The following RAI14 variants were observed in gnomAD, a reference collection of about 807,000 sequenced individuals.
The protein encoded by RAI14 is ankycorbin.
RAI14 carries 45 observed loss-of-function variants against 115.4 expected under a neutral mutation model. The observed-to-expected ratio is 0.39, with a 90% confidence interval of 0.31 to 0.50. RAI14 has a LOEUF of 0.50. RAI14 is among the 20% of genes least tolerant of loss of function. The pLI, the probability that RAI14 is intolerant of heterozygous loss-of-function variation, is 0.85. For missense variants in RAI14, 939 were observed against 1,131.2 expected, an observed-to-expected ratio of 0.83 and a Z score of 2.44; for synonymous variants, 371 against 415.4, an observed-to-expected ratio of 0.89 and a Z score of 1.30.
At chr5:34,696,860 G>A (rs1234870857) in intron 2 of RAI14, among the ~76,000 whole-genome samples, 3 of 152,234 alleles carry the variant, frequency 2.0e-5, no homozygotes, top group African/African-American at 7.2e-5. Flanking sequence ...GCTGGGTGCT[G>A]TGGCTCACGC....
chr5:34,810,253 C>A (rs1410686599), intron 7 of RAI14, among the ~76,000 whole-genome samples: 2 of 151,944 alleles, frequency 1.3e-5, no homozygotes, highest in Non-Finnish European at 2.9e-5. Context: ...AGAAAAAAAA[C>A]AAAATAACAA....
chr5:34,760,858 C>T (rs1424000569), intron 3 of RAI14, among the ~76,000 whole-genome samples: 2 of 152,096 alleles, frequency 1.3e-5, no homozygotes, highest in Non-Finnish European at 2.9e-5. Context: ...TCTAATCAAC[C>T]CAAAGAAAAC....
At chr5:34,757,311 C>G in intron 2 of RAI14, 157 bp from the exon 3 acceptor site, 1 of 830,210 alleles carries the variant, frequency 1.2e-6, no homozygotes, top group South Asian at 1.4e-5. Flanking sequence ...TGGGTGTCTC[C>G]ATGGTGAAGG....
intron 4 of RAI14, among the ~76,000 whole-genome samples, chr5:34,799,774 G>A (rs553761424): frequency 2.2e-5 from 3 of 137,306 alleles, no homozygotes; most frequent in East Asian, 2.3e-4. Flanking sequence ...TGCAAGCTCC[G>A]CCTCCCGGGT....
chr5:34,656,621 C>A (rs1377011814), intron 1 of RAI14, 146 bp downstream of exon 1: 2 of 152,470 alleles, frequency 1.3e-5, no homozygotes, highest in African/African-American at 4.8e-5. Flanking sequence ...GGGGTCCCGC[C>A]ACCTCTCCCT....
At chr5:34,777,934 A>G (rs890681188) in intron 3 of RAI14, among the ~76,000 whole-genome samples, 3 of 152,154 alleles carry the variant, frequency 2.0e-5, no homozygotes, top group African/African-American at 7.2e-5. Flanking sequence ...AAACCCCACT[A>G]TTAGATAGAC....
chr5:34,687,437 C>A, intron 2 of RAI14: 2 of 678,014 alleles, frequency 2.9e-6, no homozygotes, highest in South Asian at 8.1e-5. Context: ...CCGTACCTTT[C>A]CTCCCCCCGA....
In RAI14 at chr5:34,791,732, G is replaced by A. The variant is rs1008444144; in HGVS notation, c.168-4207G>A. Among the ~76,000 whole-genome samples, 7 of 152,268 alleles carry A rather than the reference G, an allele frequency of 4.6e-5. No individual in the cohort carries two copies. Among genetic ancestry groups the A allele is most frequent in the Admixed American group, 2.6e-4 (4 of 15,298 alleles). ...GGAAACCAGTAAGGTTGGGAATGCC[G>A]CCCAGGATTCTAACAAGAGTGAGAA... On this transcript the variant is annotated intron_variant, in intron 3 of 17. Coordinates refer to ENST00000265109, the MANE Select transcript of RAI14 (RefSeq NM_015577.3). This position sits in a 1 kb window ranked among gnomAD's most constrained non-coding sequence, Gnocchi z 5.4.
intron 4 of RAI14, among the ~76,000 whole-genome samples, chr5:34,803,136 G>T (rs369110241): frequency 6.6e-6 from 1 of 152,174 alleles, no homozygotes; most frequent in African/African-American, 2.4e-5. Context: ...TGAATCCACC[G>T]CAAGTGTCTA....
intron 2 of RAI14, among the ~76,000 whole-genome samples, chr5:34,709,981 T>C (rs1389013539): frequency 6.6e-6 from 1 of 152,222 alleles, no homozygotes; most frequent in Admixed American, 6.5e-5. Context: ...CCTTTTGCAG[T>C]TCCTTTGTTC....
In RAI14 at chr5:34,672,138, G is replaced by A. The variant is rs1371969073; in HGVS notation, c.-48-14734G>A. ...TCCATATCTCTACTTTTGTGCAAGT[G>A]CATTAACCCATGTGGACTTTTTATT... On this transcript the variant is annotated intron_variant, in intron 1 of 17. Transcript: ENST00000265109. Among the ~76,000 whole-genome samples the A allele has an allele frequency of 8.5e-5, 13 of 152,066 alleles. 1 individual carries two copies.
At chr5:34,679,865 A>T (rs542209074) in intron 1 of RAI14, among the ~76,000 whole-genome samples, 1 of 151,956 alleles carries the variant, frequency 6.6e-6, no homozygotes, top group East Asian at 2.0e-4. Flanking sequence ...CAATGACGCT[A>T]ACCCGTGTCA....
intron 1 of RAI14, among the ~76,000 whole-genome samples, chr5:34,657,677 A>G (rs1352795887): frequency 6.6e-6 from 1 of 152,118 alleles, no homozygotes. Context: ...GGATGGGGAA[A>G]CGTTGCCGGA....
intron 2 of RAI14, among the ~76,000 whole-genome samples, chr5:34,703,427 T>A (rs916791022): frequency 2.0e-5 from 3 of 152,202 alleles, no homozygotes; most frequent in African/African-American, 7.2e-5. Context: ...GTTGCAGAAA[T>A]TCATTAAAGA....
At chr5:34,758,553 A>G (rs1186642189) in intron 3 of RAI14, among the ~76,000 whole-genome samples, 1 of 152,096 alleles carries the variant, frequency 6.6e-6, no homozygotes, top group African/African-American at 2.4e-5. Context: ...CAACTTTGTC[A>G]CTTTTTCTTG....
intron 2 of RAI14, among the ~76,000 whole-genome samples, chr5:34,709,202 A>G (rs1219604922): frequency 1.3e-5 from 2 of 150,610 alleles, no homozygotes; most frequent in Non-Finnish European, 3.0e-5. Context: ...AATCCCAGCA[A>G]TTTGGGAGGC....
intron 2 of RAI14, chr5:34,688,002 G>A (rs942945621): frequency 3.9e-6 from 5 of 1,275,858 alleles, no homozygotes; most frequent in South Asian, 3.3e-5. Flanking sequence ...GTAAAATACC[G>A]ACCCACTTAA....
intron 3 of RAI14, among the ~76,000 whole-genome samples, chr5:34,775,853 G>A (rs11949354): frequency 0.23 from 35,237 of 152,056 alleles, 5,177 homozygotes; most frequent in Non-Finnish European, 0.31. Context: ...TATGGAGAAC[G>A]GTTTGGAGGT....
chr5:34,709,730 T>C (rs896270673), intron 2 of RAI14, among the ~76,000 whole-genome samples: 5 of 152,134 alleles, frequency 3.3e-5, no homozygotes, highest in Admixed American at 2.0e-4. Context: ...AGGAGCTGGG[T>C]TGGGTATTAC....
Sources: allele counts gnomAD v4.1 joint callset (sites outside exome capture counted in the v4.1 genomes callset), GRCh38; gene constraint gnomAD v4.1.1; non-coding constraint Gnocchi (gnomAD v3.1); transcripts MANE v1.5; gene names NCBI Gene and HGNC (gene_info 2026-07-23, HGNC 2026-07-21).